The following NIP7 variants were observed in gnomAD, a reference collection of about 807,000 sequenced individuals.
The protein encoded by NIP7 is 60S ribosome subunit biogenesis protein NIP7 homolog.
Under a neutral mutation model 20.1 loss-of-function variants are expected in NIP7, and 12 were observed. The observed-to-expected ratio is 0.60, with a 90% CI of 0.38 to 0.97. The LOEUF (loss-of-function observed/expected upper bound fraction) is 0.97. NIP7 is among the 50% of genes least tolerant of loss of function. The probability of loss-of-function intolerance (pLI) is 0.00; values close to 1 mark genes in which losing one functional copy is unlikely to be tolerated. For synonymous variants in NIP7, 103 were observed against 87.2 expected, an observed-to-expected ratio of 1.18 and a Z score of -1.01; for missense variants, 226 against 226.6, an observed-to-expected ratio of 1.00 and a Z score of 0.02.
intron 4 of NIP7, 97 bp from the exon 5 acceptor site, chr16:69,341,436 C>T: frequency 4.4e-6 from 7 of 1,579,710 alleles, no homozygotes; most frequent in Non-Finnish European, 5.2e-6. Context: ...CCCAGAAAGA[C>T]CAGAACTGTA....
At position 69,342,720 on chromosome 16, in the gene NIP7, A is replaced by C. The variant is rs542470746; in HGVS notation, c.*1068A>C. On this transcript the variant is annotated 3_prime_UTR_variant, in exon 5 of 5. Coordinates refer to ENST00000254940, the MANE Select transcript of NIP7 (RefSeq NM_016101.5). ...TTAAGTGTAGAGTTTTATGAGTATA[A>C]TTTGATTTTATTACCTTCTTTTTTA... The C allele has an allele frequency of 5.9e-5, 9 of 152,198 alleles. 1 individual carries two copies. Among genetic ancestry groups the C allele is most frequent in the Admixed American group, 5.2e-4 (8 of 15,276 alleles). 9.4% of individuals were successfully genotyped at this position (152,198 alleles called of 1,614,324 possible). A position where few individuals can be genotyped will look rare whatever the true frequency, so the allele number is the denominator to read the frequency against.
At chr16:69,340,142 G>C (rs2012473677) in intron 2 of NIP7, 50 bp downstream of exon 2, 2 of 1,613,326 alleles carry the variant, frequency 1.2e-6, no homozygotes, top group Non-Finnish European at 8.5e-7. Flanking sequence ...AGGGGTCCTG[G>C]GTCCCACGAG....
chr16:69,340,247 T>C lies in NIP7; in HGVS notation c.197T>C (p.Leu66Pro). The C allele has an allele frequency of 6.2e-7, 1 of 1,614,196 alleles. No homozygotes were observed. The highest frequency in any genetic ancestry group is 8.5e-7 in the Non-Finnish European group (1 of 1,180,036). The change falls in exon 3 of 5, where the codon CTG (leucine) becomes CCG (proline). Residue 66 changes from leucine to proline, a missense_variant. Transcript: ENST00000254940. ...ANISGDKLVS[L>P]GTCFGKFTKT... ...ATTTCCGGGGACAAGCTGGTGTCGCTGGGGACCTGCTTTGGAAAATTCACT... is the reference window on the plus strand; with the variant it reads ...ATTTCCGGGGACAAGCTGGTGTCGCCGGGGACCTGCTTTGGAAAATTCACT...
chr16:69,339,808 G>C lies in NIP7; in HGVS notation c.-22G>C, dbSNP rs1459331767. The C allele has an allele frequency of 6.2e-7, 1 of 1,612,306 alleles. No homozygotes were observed. The highest frequency in any genetic ancestry group is 1.1e-5 in the South Asian group (1 of 91,012). ...CCAGTTACCAAGGCACGAGGATCCGGTGTTCCAACCCAGGGGGAAAAATGC... is the reference window on the plus strand; with the variant it reads ...CCAGTTACCAAGGCACGAGGATCCGCTGTTCCAACCCAGGGGGAAAAATGC... On this transcript the variant is annotated 5_prime_UTR_variant, in exon 1 of 5. Transcript: ENST00000254940.
At chr16:69,340,600 G>A in intron 3 of NIP7, 1 of 474,944 alleles carries the variant, frequency 2.1e-6, no homozygotes, top group Non-Finnish European at 3.7e-6. Flanking sequence ...TGGCAGCAAT[G>A]AAGACACCGG....
Position 69,341,248 on chromosome 16 carries a change from T to C in NIP7, c.351T>C (p.Gly117=), listed in dbSNP as rs780574771. Residue 117 remains glycine (G), a synonymous_variant, in exon 4 of 5, where the codon GGT becomes GGC. Transcript: ENST00000254940. The part of the protein sequence containing the change: ...FLYGNHVLKS[G]LGRITENTSQ... ...ATGGGAACCATGTGTTGAAATCTGG[T>C]CTGGGTCGAATCACTGAAAATACTT... 7 of 1,614,040 alleles carry C rather than the reference T, an allele frequency of 4.3e-6. No individual in the cohort carries two copies. The African/African-American group carries it at 6.7e-5, about 15-fold the overall frequency.
chr16:69,341,622 A>T lies in NIP7; in HGVS notation c.513A>T (p.Glu171Asp), dbSNP rs369784611. ...IVVFHQADIGEYVRHEETLT is the reference protein window; with the variant it reads ...IVVFHQADIGDYVRHEETLT ...TATTTCATCAAGCAGACATTGGGGA[A>T]TATGTGCGGCATGAAGAGACGTTGA... The change falls in exon 5 of 5, where the codon GAA becomes GAT. Residue 171 changes from glutamate (E) to aspartate (D), a missense_variant. Physicochemically the swap from Glu to Asp is conservative, Grantham distance 45. Coordinates refer to ENST00000254940, the MANE Select transcript of NIP7 (RefSeq NM_016101.5). 3 of 1,614,106 alleles carry T rather than the reference A, an allele frequency of 1.9e-6. No individual in the cohort carries two copies. The highest frequency in any genetic ancestry group is 2.5e-6 in the Non-Finnish European group (3 of 1,180,046).
rs755354390 is a variant in NIP7 at position 69,341,250 on chromosome 16, T to G, written c.353T>G (p.Leu118Arg). The G allele has an allele frequency of 6.2e-7, 1 of 1,614,184 alleles. No homozygotes were observed. Among genetic ancestry groups the G allele is most frequent in the Admixed American group, 1.7e-5 (1 of 60,020 alleles). ...GGGAACCATGTGTTGAAATCTGGTC[T>G]GGGTCGAATCACTGAAAATACTTCT... ...LYGNHVLKSG[L>R]GRITENTSQY... The change falls in exon 4 of 5, where the codon CTG becomes CGG. Residue 118 changes from leucine to arginine, a missense_variant. Transcript: ENST00000254940.
rs2012592224 is a variant in NIP7 at position 69,342,676 on chromosome 16, A to G, written c.*1024A>G. 6.6e-6 allele frequency: 1 copy of G among 152,060 alleles called. No homozygotes were observed. Among genetic ancestry groups the G allele is most frequent in the African/African-American group, 2.4e-5 (1 of 41,416 alleles). 9.4% of individuals were successfully genotyped at this position (152,060 alleles called of 1,614,324 possible). On this transcript the variant is annotated 3_prime_UTR_variant, in exon 5 of 5. Coordinates refer to ENST00000254940, the MANE Select transcript of NIP7 (RefSeq NM_016101.5). ...AATGGTAATTATTTTTATATTATAT[A>G]TATTATGTATTCCTGTTATTAAGTG...
Position 69,341,652 on chromosome 16 carries a change from A to T in NIP7, c.543A>T (p.Ter181TyrextTer73). The T allele has an allele frequency of 6.2e-7, 1 of 1,614,134 alleles. No individual in the cohort carries two copies. ...TGCGGCATGAAGAGACGTTGACTTAAAACGAAGCCATTCCAAGGACAGACG... is the reference window on the plus strand; with the variant it reads ...TGCGGCATGAAGAGACGTTGACTTATAACGAAGCCATTCCAAGGACAGACG... ...EYVRHEETLT[*>Y] The change falls in exon 5 of 5, where the codon TAA becomes TAT. Residue 181 changes from the stop codon to tyrosine (Y), a stop_lost. Transcript: ENST00000254940.
intron 3 of NIP7, chr16:69,340,763 C>T (rs2012509775): frequency 9.6e-6 from 2 of 207,354 alleles, no homozygotes; most frequent in East Asian, 1.2e-4. Context: ...CACTCTGTCG[C>T]CCAGGCTAGA....
In NIP7 at chr16:69,339,833, C is replaced by G. The variant is rs561878471; in HGVS notation, c.4C>G (p.Arg2Gly). 2 of 1,612,874 alleles carry G rather than the reference C, an allele frequency of 1.2e-6. No individual in the cohort carries two copies. Among genetic ancestry groups the G allele is most frequent in the South Asian group, 2.2e-5 (2 of 91,022 alleles). The change falls in exon 1 of 5, where the codon CGG becomes GGG. Residue 2 changes from arginine to glycine, a missense_variant. Arg to Gly is a moderately radical substitution (Grantham distance 125). Transcript: ENST00000254940. Reference sequence around the variant, plus strand: ...GTGTTCCAACCCAGGGGGAAAAATGCGGCCTTTGACTGAAGAGGAGACCCG... The same window carrying G: ...GTGTTCCAACCCAGGGGGAAAAATGGGGCCTTTGACTGAAGAGGAGACCCG... M[R>G]PLTEEETRVM...
intron 3 of NIP7, 123 bp from the exon 4 acceptor site, chr16:69,341,057 A>G (rs2012524302): frequency 1.2e-6 from 1 of 828,468 alleles, no homozygotes; most frequent in Admixed American, 2.8e-5. Context: ...TGAGGAAAAC[A>G]TGAGTCTCTC....
Position 69,340,089 on chromosome 16 carries a change from T to C in NIP7, c.140T>C (p.Val47Ala). 1 of 1,613,994 alleles carries C rather than the reference T, an allele frequency of 6.2e-7. No homozygotes were observed. Among genetic ancestry groups the C allele is most frequent in the Non-Finnish European group, 8.5e-7 (1 of 1,180,012 alleles). The change falls in exon 2 of 5, where the codon GTG becomes GCG. Residue 47 changes from valine to alanine, a missense_variant. Transcript: ENST00000254940. ...FRLHNDRVYY[V>A]SEKIMKLAAN... ...CTGCACAACGACCGGGTGTACTATGTGAGGTGAGGCGGGGCCGGGCAGGCA... is the reference window on the plus strand; with the variant it reads ...CTGCACAACGACCGGGTGTACTATGCGAGGTGAGGCGGGGCCGGGCAGGCA...
chr16:69,339,997 T>G lies in NIP7; in HGVS notation c.57-9T>G. On this transcript the variant is annotated splice_polypyrimidine_tract_variant and intron_variant, in intron 1 of 4. Coordinates refer to ENST00000254940, the MANE Select transcript of NIP7 (RefSeq NM_016101.5). ...CGGGCGCGGTCTCCAGTCCTCTTTT[T>G]GCCCTCAGCATTGGGGAGAATCTTC... The G allele has an allele frequency of 6.2e-7, 1 of 1,613,496 alleles. No individual in the cohort carries two copies. The highest frequency in any genetic ancestry group is 8.5e-7 in the Non-Finnish European group (1 of 1,179,996).
rs772903739 is a variant in NIP7 at position 69,341,478 on chromosome 16, A to T, written c.424-55A>T. 1.9e-6 allele frequency: 3 copies of T among 1,603,504 alleles called. No homozygotes were observed. In the South Asian group the frequency reaches 3.3e-5, roughly 18 times the overall value. ...CCGTCTTTGTTATTTCCAGCCCTCA[A>T]TATGGGCATATTGAATGACTTCAGT... On this transcript the variant is annotated intron_variant, in intron 4 of 4. Transcript: ENST00000254940.
rs1433113803 is a variant in NIP7 at position 69,342,737 on chromosome 16, T to G, written c.*1085T>G. On this transcript the variant is annotated 3_prime_UTR_variant, in exon 5 of 5. Transcript: ENST00000254940. ...TGAGTATAATTTGATTTTATTACCT[T>G]CTTTTTTACAAGCTGTTTTCTCAGT... 1.3e-5 allele frequency: 2 copies of G among 152,174 alleles called. No homozygotes were observed. Among genetic ancestry groups the G allele is most frequent in the Non-Finnish European group, 2.9e-5 (2 of 68,042 alleles). The allele number at this position is 152,174 out of a possible 1,614,324, so 9.4% of individuals were successfully genotyped here.
In NIP7 at chr16:69,340,296, C is replaced by A. The variant is rs775560606; in HGVS notation, c.246C>A (p.His82Gln). ...KFTKTHKFRL[H>Q]VTALDYLAPY... ...CTAAAACCCACAAGTTTCGGTTGCA[C>A]GTCACAGCTCTGGATTACCTTGCAC... is the stretch of plus-strand genomic sequence containing the variant. Residue 82 changes from histidine to glutamine, a missense_variant, in exon 3 of 5, where the codon CAC (histidine) becomes CAA (glutamine). By Grantham distance (24) the His-to-Gln change is conservative. Coordinates refer to ENST00000254940, the MANE Select transcript of NIP7 (RefSeq NM_016101.5). The A allele has an allele frequency of 1.9e-6, 3 of 1,613,934 alleles. No individual in the cohort carries two copies. The highest frequency in any genetic ancestry group is 4.5e-5 in the East Asian group (2 of 44,894).
In NIP7 at chr16:69,341,140, G is replaced by C. The variant is rs370698985; in HGVS notation, c.283-40G>C. Reference sequence around the variant, plus strand: ...TAGCTTGTCTGCATGGATAGAAATAGTAACGTTTTTATGTCTCTTGGATTT... The same window carrying C: ...TAGCTTGTCTGCATGGATAGAAATACTAACGTTTTTATGTCTCTTGGATTT... On this transcript the variant is annotated intron_variant, in intron 3 of 4. Coordinates refer to ENST00000254940, the MANE Select transcript of NIP7 (RefSeq NM_016101.5). The C allele has an allele frequency of 1.3e-4, 200 of 1,574,298 alleles. 2 individuals are homozygous for C. Among genetic ancestry groups the C allele is most frequent in the Non-Finnish European group, 1.4e-5 (16 of 1,153,478 alleles).
Sources: allele counts gnomAD v4.1 joint callset, GRCh38; gene constraint gnomAD v4.1.1; transcripts MANE v1.5; gene names NCBI Gene and HGNC (gene_info 2026-07-23, HGNC 2026-07-21).